Variants in FAM110B observed in about 807,000 individuals in gnomAD.
The protein encoded by FAM110B is family with sequence similarity 110 member B.
Under a neutral mutation model 20.4 loss-of-function variants are expected in FAM110B, and 6 were observed. The ratio of observed to expected loss-of-function variants is 0.29; its 90% confidence interval spans 0.16 to 0.58. FAM110B has a LOEUF of 0.58. Ranked by LOEUF, FAM110B falls within the 20% of genes least tolerant of loss-of-function variation. The pLI, the probability that FAM110B is intolerant of heterozygous loss-of-function variation, is 0.90. For synonymous variants in FAM110B, 226 were observed against 214.1 expected (o/e 1.06, Z -0.49); for missense variants, 434 against 498.2 (o/e 0.87, Z 1.23).
chr8:58,142,024 C>T (rs1458513584), intron 3 of FAM110B, among the ~76,000 whole-genome samples: 3 of 152,182 alleles, frequency 2.0e-5, no homozygotes, highest in South Asian at 2.1e-4. Flanking sequence ...GCTGAGGGTC[C>T]TGTTCACCTG....
intron 3 of FAM110B, among the ~76,000 whole-genome samples, chr8:58,110,910 A>T (rs1316340198): frequency 2.6e-5 from 4 of 152,202 alleles, no homozygotes; most frequent in Admixed American, 1.3e-4. Flanking sequence ...GAAAGGTGTT[A>T]TAGGAGCATA....
At chr8:58,138,029 TGCTCCTTATCAGACGGCTCTACCA>T (rs960381748) in intron 3 of FAM110B, among the ~76,000 whole-genome samples, 8 of 152,236 alleles carry the variant, frequency 5.3e-5, no homozygotes, top group African/African-American at 1.9e-4. Context: ...GCTCCTCTCC[TGCTCCTTATCAGACGGCTCTACCA>T]GCCTCTACTG....
intron 3 of FAM110B, among the ~76,000 whole-genome samples, chr8:58,089,952 CA>C (rs1157367156): frequency 6.6e-6 from 1 of 152,194 alleles, no homozygotes; most frequent in Non-Finnish European, 1.5e-5. Context: ...CTATTAAATA[CA>C]GTTGGCCCTT....
At chr8:58,004,580 A>G (rs1183311831) in intron 1 of FAM110B, among the ~76,000 whole-genome samples, 1 of 152,224 alleles carries the variant, frequency 6.6e-6, no homozygotes, top group Non-Finnish European at 1.5e-5. Flanking sequence ...CCCTGTCTCT[A>G]CTAAAGATGC....
Position 58,148,069 on chromosome 8 carries a change from G to A in FAM110B, c.*726G>A, listed in dbSNP as rs1228582619. The A allele has an allele frequency of 1.2e-5, 2 of 166,062 alleles. No homozygotes were observed. 10.3% of individuals were successfully genotyped at this position (166,062 alleles called of 1,614,324 possible). Reference sequence around the variant, plus strand: ...GGTTTTGTTGATGTTGTTCTGATTGGGATAATTCAGAAATTCCTAATATTA... The same window carrying A: ...GGTTTTGTTGATGTTGTTCTGATTGAGATAATTCAGAAATTCCTAATATTA... On this transcript the variant is annotated 3_prime_UTR_variant, in exon 4 of 4. Coordinates refer to ENST00000519262, the MANE Select transcript of FAM110B (RefSeq NM_001377989.1).
chr8:58,121,144 C>G (rs746098943), intron 3 of FAM110B, among the ~76,000 whole-genome samples: 12 of 152,110 alleles, frequency 7.9e-5, no homozygotes, highest in Admixed American at 3.3e-4. Flanking sequence ...GGATGAGGCG[C>G]GATGAGCCTC....
intron 2 of FAM110B, among the ~76,000 whole-genome samples, chr8:58,056,324 A>G (rs1379610798): frequency 6.6e-6 from 1 of 152,242 alleles, no homozygotes; most frequent in East Asian, 1.9e-4. Flanking sequence ...TCCATCTAGA[A>G]GATAGCCAAT....
At chr8:58,000,730 A>G (rs997743557) in intron 1 of FAM110B, among the ~76,000 whole-genome samples, 1 of 152,220 alleles carries the variant, frequency 6.6e-6, no homozygotes, top group Admixed American at 6.5e-5. Flanking sequence ...GGGAAATACC[A>G]GTGAATCCTG....
chr8:58,134,974 A>C (rs545480847), intron 3 of FAM110B, among the ~76,000 whole-genome samples: 2 of 152,342 alleles, frequency 1.3e-5, no homozygotes, highest in South Asian at 4.2e-4. Flanking sequence ...CAGAAGTAAA[A>C]TATAATTAGT....
At chr8:58,019,369 A>AG (rs1804702424) in intron 1 of FAM110B, among the ~76,000 whole-genome samples, 3 of 149,518 alleles carry the variant, frequency 2.0e-5, no homozygotes, top group African/African-American at 7.4e-5. Context: ...AAGGAAAGAA[A>AG]GAAAGAAAGA....
At chr8:58,061,124 T>C (rs866889373) in intron 2 of FAM110B, among the ~76,000 whole-genome samples, 7 of 152,216 alleles carry the variant, frequency 4.6e-5, no homozygotes, top group Non-Finnish European at 7.3e-5. Flanking sequence ...TCAAATTGTT[T>C]CTATTCAACG....
At chr8:58,061,048 A>G (rs1014920487) in intron 2 of FAM110B, among the ~76,000 whole-genome samples, 1 of 152,206 alleles carries the variant, frequency 6.6e-6, no homozygotes, top group African/African-American at 2.4e-5. Flanking sequence ...ACAGTATAAT[A>G]TTCTCAGTAT....
chr8:58,101,914 G>A (rs1806788435), intron 3 of FAM110B, among the ~76,000 whole-genome samples: 1 of 152,068 alleles, frequency 6.6e-6, no homozygotes, highest in Admixed American at 6.6e-5. Flanking sequence ...TTATTCCCAA[G>A]GCAAGGCACT....
chr8:58,093,204 GT>G (rs1806529904), intron 3 of FAM110B, among the ~76,000 whole-genome samples: 2 of 152,094 alleles, frequency 1.3e-5, no homozygotes, highest in Admixed American at 1.3e-4. Context: ...TAGGTTGCCT[GT>G]TTACTCTGAT....
intron 1 of FAM110B, among the ~76,000 whole-genome samples, chr8:58,007,076 G>A (rs930597675): frequency 5.9e-5 from 9 of 151,902 alleles, no homozygotes; most frequent in African/African-American, 1.9e-4. Flanking sequence ...GGTGGAAGTC[G>A]AGTCTTCCCT....
At chr8:58,110,351 A>G (rs1305997343) in intron 3 of FAM110B, among the ~76,000 whole-genome samples, 1 of 152,194 alleles carries the variant, frequency 6.6e-6, no homozygotes, top group African/African-American at 2.4e-5. Flanking sequence ...TTTACTTAGG[A>G]TGTTATTCTG....
chr8:57,998,101 A>G (rs1488883046), intron 1 of FAM110B, among the ~76,000 whole-genome samples: 1 of 152,196 alleles, frequency 6.6e-6, no homozygotes. Flanking sequence ...TCATTGACAT[A>G]CTTTGAATTT....
chr8:58,131,706 T>A (rs901925058), intron 3 of FAM110B, among the ~76,000 whole-genome samples: 3 of 152,262 alleles, frequency 2.0e-5, no homozygotes, highest in Non-Finnish European at 2.9e-5. Flanking sequence ...ATTAATTGAT[T>A]GATTGCCATA....
At chr8:58,025,804 T>A (rs1251196503) in intron 1 of FAM110B, among the ~76,000 whole-genome samples, 1 of 152,196 alleles carries the variant, frequency 6.6e-6, no homozygotes, top group East Asian at 1.9e-4. Context: ...AACCTCTCTA[T>A]AACTTCTGCT....
Sources: gnomAD v4.1 joint callset for allele counts (sites outside exome capture counted in the v4.1 genomes callset) on GRCh38, gnomAD v4.1.1 for gene constraint, MANE v1.5 for transcripts, NCBI Gene and HGNC (gene_info 2026-07-23, HGNC 2026-07-21) for gene names.